Variants in CADM2 observed in about 807,000 individuals in gnomAD.
CADM2 encodes the protein immunoglobulin superfamily member 4D.
CADM2 carries 12 observed loss-of-function variants against 49.8 expected under a neutral mutation model. The ratio of observed to expected loss-of-function variants is 0.24; its 90% CI spans 0.15 to 0.39. CADM2 has a LOEUF of 0.39. Among genes scored for constraint, CADM2 ranks in the 10% least tolerant of loss-of-function variants. The pLI, the probability that CADM2 is intolerant of heterozygous loss-of-function variation, is 1.00. For missense variants in CADM2, 378 were observed against 492.3 expected (o/e 0.77, Z 2.20); for synonymous variants, 214 against 175.4 (o/e 1.22, Z -1.74).
intron 8 of CADM2, among the ~76,000 whole-genome samples, chr3:86,042,693 A>G (rs1736108522): frequency 6.6e-6 from 1 of 152,160 alleles, no homozygotes; most frequent in African/African-American, 2.4e-5. Context: ...TATTCCAATC[A>G]ATAGAAAAAG....
chr3:85,757,580 A>G (rs991356839), intron 2 of CADM2, among the ~76,000 whole-genome samples: 6 of 152,146 alleles, frequency 3.9e-5, no homozygotes, highest in South Asian at 2.1e-4. Context: ...ACGAGGAGTG[A>G]TAAAGGCTAA....
intron 1 of CADM2, among the ~76,000 whole-genome samples, chr3:85,333,198 G>T (rs1375720918): frequency 6.6e-6 from 1 of 151,558 alleles, no homozygotes; most frequent in Non-Finnish European, 1.5e-5. Flanking sequence ...AGAATGAATG[G>T]ATAACTGTAT....
intron 1 of CADM2, among the ~76,000 whole-genome samples, chr3:85,208,628 C>G (rs1220530316): frequency 6.6e-6 from 1 of 152,096 alleles, no homozygotes; most frequent in East Asian, 1.9e-4. Flanking sequence ...AAAATGTTGA[C>G]TTGCAGAATG....
At chr3:85,000,446 CA>C (rs11413605) in intron 1 of CADM2, among the ~76,000 whole-genome samples, 3 of 147,552 alleles carry the variant, frequency 2.0e-5, no homozygotes, top group Admixed American at 6.9e-5. Flanking sequence ...ACTTTGTTCA[CA>C]AAAAAAAACA....
At chr3:85,484,220 G>A (rs551061980) in intron 1 of CADM2, among the ~76,000 whole-genome samples, 6 of 151,864 alleles carry the variant, frequency 4.0e-5, no homozygotes, top group African/African-American at 1.2e-4. Context: ...AGATATTACC[G>A]TCCACCTAAC....
rs2072579095 is a variant in CADM2, at chr3:85,808,229, T to G, written c.238+6033T>G. Among the ~76,000 whole-genome samples the G allele has an allele frequency of 2.0e-5, 3 of 152,162 alleles. No homozygotes were observed. In the South Asian group the frequency reaches 6.2e-4, roughly 32 times the overall value. ...AGAAAATAAGAATCAAGAGGAAAAT[T>G]TATAGATCCTTATGGGTCAGAGAGA... On this transcript the variant is annotated intron_variant, in intron 3 of 9. Transcript: ENST00000383699.
chr3:85,388,077 G>T (rs2034332919), intron 1 of CADM2, among the ~76,000 whole-genome samples: 1 of 152,190 alleles, frequency 6.6e-6, no homozygotes, highest in Non-Finnish European at 1.5e-5. Flanking sequence ...GAACCAGGCT[G>T]CATTGCAGTG....
chr3:86,009,822 A>G (rs1355671601), intron 8 of CADM2, among the ~76,000 whole-genome samples: 1 of 151,876 alleles, frequency 6.6e-6, no homozygotes, highest in East Asian at 1.9e-4. Context: ...AAAATTGTGT[A>G]TATACAACAT....
At chr3:85,139,830 A>G (rs991144778) in intron 1 of CADM2, among the ~76,000 whole-genome samples, 2 of 152,132 alleles carry the variant, frequency 1.3e-5, no homozygotes. Flanking sequence ...AGGTAATTAC[A>G]TTTACTACTT....
At chr3:85,387,683 C>T (rs2034306803) in intron 1 of CADM2, among the ~76,000 whole-genome samples, 1 of 152,000 alleles carries the variant, frequency 6.6e-6, no homozygotes, top group Non-Finnish European at 1.5e-5. Flanking sequence ...TTAATATTTG[C>T]ATAGATTTGC....
intron 8 of CADM2, among the ~76,000 whole-genome samples, chr3:85,985,519 A>G (rs1336381912): frequency 6.6e-6 from 1 of 151,782 alleles, no homozygotes; most frequent in African/African-American, 2.4e-5. Context: ...ACTTAAAATG[A>G]TTCTCGAAGA....
chr3:85,107,187 T>C (rs1434696022), intron 1 of CADM2, among the ~76,000 whole-genome samples: 1 of 152,170 alleles, frequency 6.6e-6, no homozygotes, highest in Non-Finnish European at 1.5e-5. Context: ...CTTAAATAAA[T>C]TTATGGAATA....
intron 1 of CADM2, among the ~76,000 whole-genome samples, chr3:85,641,238 A>G (rs2064700676): frequency 6.6e-6 from 1 of 152,206 alleles, no homozygotes; most frequent in South Asian, 2.1e-4. Context: ...TACACTAGTG[A>G]TAGAAGTAAA....
chr3:85,294,442 TAA>T (rs1463690899), intron 1 of CADM2, among the ~76,000 whole-genome samples: 1 of 151,796 alleles, frequency 6.6e-6, no homozygotes, highest in Non-Finnish European at 1.5e-5. Flanking sequence ...AAAACTACTT[TAA>T]AGTTCATATG....
chr3:85,756,880 C>T (rs1288680142), intron 2 of CADM2, among the ~76,000 whole-genome samples: 1 of 151,994 alleles, frequency 6.6e-6, no homozygotes, highest in Non-Finnish European at 1.5e-5. Flanking sequence ...AAATTTAGGA[C>T]AGACAGAGAC....
intron 1 of CADM2, among the ~76,000 whole-genome samples, chr3:85,257,903 T>C (rs1292258429): frequency 6.6e-6 from 1 of 152,248 alleles, no homozygotes; most frequent in East Asian, 1.9e-4. Context: ...ACATAGTCAA[T>C]GAAATATTTC....
chr3:86,043,293 CCT>C (rs1270303388), intron 8 of CADM2, among the ~76,000 whole-genome samples: 5 of 152,074 alleles, frequency 3.3e-5, no homozygotes, highest in Non-Finnish European at 7.4e-5. Flanking sequence ...TCAAATTGTC[CCT>C]GTTTGCAGAA....
intron 2 of CADM2, among the ~76,000 whole-genome samples, chr3:85,752,996 A>G (rs776047205): frequency 2.3e-4 from 35 of 152,150 alleles, no homozygotes; most frequent in Non-Finnish European, 2.9e-5. Flanking sequence ...AGTAGGTACA[A>G]ATAGAAAATG....
intron 8 of CADM2, chr3:85,994,274 C>T (rs1559788712): frequency 6.6e-6 from 1 of 152,192 alleles, no homozygotes; most frequent in South Asian, 2.1e-4. Flanking sequence ...TATGAACCAA[C>T]CTCCACTAGC....
Sources: allele counts gnomAD v4.1 joint callset (sites outside exome capture counted in the v4.1 genomes callset), GRCh38; gene constraint gnomAD v4.1.1; transcripts MANE v1.5; gene names NCBI Gene and HGNC (gene_info 2026-07-23, HGNC 2026-07-21).